Variants in MYRIP observed in about 807,000 individuals in gnomAD.
MYRIP encodes the protein rab effector MyRIP.
MYRIP carries 49 observed loss-of-function variants against 98.0 expected under a neutral mutation model. The ratio of observed to expected loss-of-function variants is 0.50; its 90% CI spans 0.40 to 0.63. The LOEUF is 0.63. Ranked by LOEUF, MYRIP falls within the 30% of genes least tolerant of loss-of-function variation. The pLI is 0.00. For missense variants in MYRIP, 1,004 were observed against 1,058.2 expected (o/e 0.95, Z 0.71); for synonymous variants, 404 against 409.5 (o/e 0.99, Z 0.16).
At chr3:40,031,824 T>C (rs1023303224) in intron 2 of MYRIP, among the ~76,000 whole-genome samples, 12 of 152,106 alleles carry the variant, frequency 7.9e-5, no homozygotes, top group Non-Finnish European at 1.3e-4. Flanking sequence ...TCTGTGGGAT[T>C]GGTGGTGATA....
At chr3:39,832,376 G>T (rs1336124411) in intron 1 of MYRIP, among the ~76,000 whole-genome samples, 1 of 152,138 alleles carries the variant, frequency 6.6e-6, no homozygotes, top group Non-Finnish European at 1.5e-5. Flanking sequence ...CCAGAGAGAG[G>T]CACAGAGACT....
intron 3 of MYRIP, among the ~76,000 whole-genome samples, chr3:40,070,612 C>T (rs11720504): frequency 0.26 from 40,120 of 151,996 alleles, 5,477 homozygotes; most frequent in East Asian, 0.36. Context: ...ATTAGATTCT[C>T]ATAGGAGCAC....
At position 40,190,310 on chromosome 3, in the gene MYRIP, C is replaced by T. The variant is rs1291825091; in HGVS notation, c.1512C>T (p.Ser504=). The change falls in exon 10 of 17, where the codon AGC becomes AGT. Residue 504 remains serine, a synonymous_variant. Transcript: ENST00000302541. ...TGAACTTCAACCCCCAGTTGGCCAG[C>T]AGGGAGACCTCGGACAGCAGCGAGC... ...LDVNFNPQLA[S]RETSDSSEPE... 6.2e-7 allele frequency: 1 copy of T among 1,614,038 alleles called. No individual in the cohort carries two copies. Among genetic ancestry groups the T allele is most frequent in the East Asian group, 2.2e-5 (1 of 44,832 alleles).
chr3:40,136,056 G>A (rs1400882688), intron 3 of MYRIP, among the ~76,000 whole-genome samples: 2 of 152,110 alleles, frequency 1.3e-5, no homozygotes, highest in African/African-American at 4.8e-5. Flanking sequence ...ATGTAAATGG[G>A]CTAAATGCTC....
At chr3:39,819,169 T>A (rs1941025058) in intron 1 of MYRIP, among the ~76,000 whole-genome samples, 1 of 152,144 alleles carries the variant, frequency 6.6e-6, no homozygotes, top group African/African-American at 2.4e-5. Flanking sequence ...ACCAACATGG[T>A]GAAACCTCGT....
intron 3 of MYRIP, among the ~76,000 whole-genome samples, chr3:40,050,291 C>T (rs67870180): frequency 0.39 from 59,356 of 151,936 alleles, 11,818 homozygotes; most frequent in African/African-American, 0.46. Context: ...GACTTCCAGT[C>T]GAAGCCAGTG....
Position 40,182,266 on chromosome 3 carries a change from C to T in MYRIP, c.920C>T (p.Thr307Ile). Residue 307 changes from threonine to isoleucine, a missense_variant, in exon 9 of 17, where the codon ACC becomes ATC. Coordinates refer to ENST00000302541, the MANE Select transcript of MYRIP (RefSeq NM_015460.4). ...FSITGEEALKTPPVEAPSRQP... is the reference protein window; with the variant it reads ...FSITGEEALKIPPVEAPSRQP... ...ATCACTGGAGAAGAAGCCCTGAAGA[C>T]CCCTCCAGTGGAGGCTCCATCGAGG... is the stretch of plus-strand genomic sequence containing the variant. The T allele has an allele frequency of 6.2e-7, 1 of 1,613,906 alleles. No homozygotes were observed. Among genetic ancestry groups the T allele is most frequent in the East Asian group, 2.2e-5 (1 of 44,852 alleles).
At chr3:40,203,553 G>C (rs566414908) in intron 10 of MYRIP, among the ~76,000 whole-genome samples, 67 of 148,938 alleles carry the variant, frequency 4.5e-4, no homozygotes, top group African/African-American at 1.5e-3. Context: ...GAAGACTCTT[G>C]TTTAAGAAAC....
intron 3 of MYRIP, among the ~76,000 whole-genome samples, chr3:40,137,156 AAG>A (rs1949796842): frequency 6.6e-6 from 1 of 152,228 alleles, no homozygotes; most frequent in Non-Finnish European, 1.5e-5. Flanking sequence ...TAAAGAAGAA[AAG>A]AGAGAAGAAT....
intron 2 of MYRIP, among the ~76,000 whole-genome samples, chr3:40,034,718 A>G (rs1007628722): frequency 6.6e-5 from 10 of 151,598 alleles, no homozygotes; most frequent in African/African-American, 2.4e-4. Context: ...CCATCCCATT[A>G]CTGGGTATAT....
intron 10 of MYRIP, among the ~76,000 whole-genome samples, chr3:40,197,115 G>A (rs577561015): frequency 3.3e-5 from 5 of 152,264 alleles, no homozygotes; most frequent in African/African-American, 9.6e-5. Context: ...GCGGCAGGTC[G>A]TGGGAGGTGA....
At chr3:40,222,192 G>C (rs1010280362) in intron 11 of MYRIP, among the ~76,000 whole-genome samples, 1 of 152,180 alleles carries the variant, frequency 6.6e-6, no homozygotes, top group Non-Finnish European at 1.5e-5. Context: ...CAGCTCAGAG[G>C]CACTTCTGCA....
intron 7 of MYRIP, 58 bp from the exon 8 acceptor site, chr3:40,169,892 A>C (rs1412824169): frequency 1.2e-6 from 2 of 1,608,760 alleles, no homozygotes; most frequent in African/African-American, 1.3e-5. Context: ...CAGTTACTCC[A>C]CATAGCATCA....
chr3:40,012,267 G>A (rs1341697291), intron 2 of MYRIP, among the ~76,000 whole-genome samples: 1 of 152,210 alleles, frequency 6.6e-6, no homozygotes, highest in East Asian at 1.9e-4. Flanking sequence ...GACCCTGGCA[G>A]CTCCAGATAA....
At chr3:39,844,694 C>T (rs912178960) in intron 1 of MYRIP, among the ~76,000 whole-genome samples, 2 of 152,182 alleles carry the variant, frequency 1.3e-5, no homozygotes, top group African/African-American at 2.4e-5. Flanking sequence ...ATGCCAGGGC[C>T]TTGTAGCAAG....
At chr3:40,089,048 G>GGGCAC (rs1948688098) in intron 3 of MYRIP, among the ~76,000 whole-genome samples, 1 of 152,114 alleles carries the variant, frequency 6.6e-6, no homozygotes, top group African/African-American at 2.4e-5. Context: ...CTGCGTAGAT[G>GGGCAC]CTGGTGTCAT....
In MYRIP at chr3:39,854,065, A is replaced by G. The variant is rs377332637; in HGVS notation, c.-31+44149A>G. ...TGTTGAAGATTAGTTGGCTGTAAGT[A>G]TTTGGCTTTATTTTGGGGCTCTATA... On this transcript the variant is annotated intron_variant, in intron 1 of 16. Transcript: ENST00000302541. 4.1e-4 allele frequency among the ~76,000 whole-genome samples: 62 copies of G among 152,108 alleles called. 2 individuals carry two copies. The South Asian group carries it at 0.013, about 31-fold the overall frequency.
chr3:39,823,101 C>A (rs1941158133), intron 1 of MYRIP, among the ~76,000 whole-genome samples: 1 of 148,232 alleles, frequency 6.7e-6, no homozygotes, highest in South Asian at 2.2e-4. Flanking sequence ...CTCACTGCAA[C>A]CTCCGCCTCC....
At chr3:40,100,465 C>A (rs1295873773) in intron 3 of MYRIP, among the ~76,000 whole-genome samples, 1 of 152,166 alleles carries the variant, frequency 6.6e-6, no homozygotes, top group Non-Finnish European at 1.5e-5. Context: ...AAAGGAAGAG[C>A]ATTTTAAACC....
Sources: allele counts gnomAD v4.1 joint callset (sites outside exome capture counted in the v4.1 genomes callset), GRCh38; gene constraint gnomAD v4.1.1; transcripts MANE v1.5; gene names NCBI Gene and HGNC (gene_info 2026-07-23, HGNC 2026-07-21).